The following BICRAL variants were observed in gnomAD, a reference collection of about 807,000 sequenced individuals.
The protein encoded by BICRAL is BRD4-interacting chromatin-remodeling complex-associated protein-like.
A neutral mutation model predicts 91.8 loss-of-function variants in BICRAL; 8 were observed. The observed-to-expected ratio is 0.09, with a 90% CI of 0.05 to 0.16. The LOEUF (loss-of-function observed/expected upper bound fraction) is 0.16. Ranked by LOEUF, BICRAL falls within the 10% of genes least tolerant of loss-of-function variation. The probability of loss-of-function intolerance (pLI) is 1.00; values close to 1 mark genes in which losing one functional copy is unlikely to be tolerated. For missense variants in BICRAL, 1,038 were observed against 1,310.9 expected (o/e 0.79, Z 3.21); for synonymous variants, 445 against 491.1 (o/e 0.91, Z 1.24).
chr6:42,843,426 C>G (rs1425013996), intron 6 of BICRAL, among the ~76,000 whole-genome samples: 1 of 152,116 alleles, frequency 6.6e-6, no homozygotes, highest in African/African-American at 2.4e-5. Context: ...GAGCACAAAC[C>G]ATGTAGGTCT....
chr6:42,771,226 T>C (rs1263311706), intron 1 of BICRAL, among the ~76,000 whole-genome samples: 3 of 152,248 alleles, frequency 2.0e-5, no homozygotes, highest in Non-Finnish European at 4.4e-5. Flanking sequence ...GCAGGTTTCC[T>C]GTCGTTGGCG....
intron 6 of BICRAL, among the ~76,000 whole-genome samples, chr6:42,840,274 G>A (rs1191900678): frequency 1.3e-5 from 2 of 151,780 alleles, no homozygotes; most frequent in East Asian, 1.9e-4. Flanking sequence ...ACAGAGTCTC[G>A]CTCTATCACC....
chr6:42,774,936 TC>T (rs1288281571), intron 1 of BICRAL, among the ~76,000 whole-genome samples: 4 of 151,794 alleles, frequency 2.6e-5, no homozygotes, highest in African/African-American at 9.7e-5. Flanking sequence ...TCAGAGTGGT[TC>T]CTTTTTTTTT....
At position 42,797,937 on chromosome 6, in the gene BICRAL, C is replaced by T. The variant is rs533148380; in HGVS notation, c.-101-12369C>T. Among the ~76,000 whole-genome samples the T allele has an allele frequency of 2.6e-5, 4 of 152,272 alleles. No individual in the cohort carries two copies. In the South Asian group the frequency reaches 8.3e-4, roughly 32 times the overall value. ...GTTTCAGTGAGCCACTATTGCATCA[C>T]TGCACTCCAGCCTTGGTGACAAAGT... On this transcript the variant is annotated intron_variant, in intron 1 of 12. Transcript: ENST00000314073.
intron 6 of BICRAL, among the ~76,000 whole-genome samples, chr6:42,846,631 G>A (rs946917617): frequency 1.3e-5 from 2 of 152,068 alleles, no homozygotes; most frequent in African/African-American, 4.8e-5. Context: ...TCTTCTGGGC[G>A]GCACAAGGAA....
chr6:42,842,152 C>A (rs1201491408), intron 6 of BICRAL, among the ~76,000 whole-genome samples: 1 of 152,144 alleles, frequency 6.6e-6, no homozygotes, highest in African/African-American at 2.4e-5. Flanking sequence ...GATGCCTGAG[C>A]CTCACCCACA....
chr6:42,857,112 G>A lies in BICRAL; in HGVS notation c.2130G>A (p.Arg710=), dbSNP rs1391181604. 1.9e-6 allele frequency: 3 copies of A among 1,613,204 alleles called. No individual in the cohort carries two copies. Among genetic ancestry groups the A allele is most frequent in the African/African-American group, 2.7e-5 (2 of 74,838 alleles). ...KGAFILQQLQ[R]DQAHTVTPDK... The stretch of plus-strand genomic sequence containing the variant: ...AAAGCATTCTCCAGCAGTTGCAGAG[G>A]GACCAAGCCCACACTGTGACACCAG... The change falls in exon 10 of 13, where the codon AGG becomes AGA. Residue 710 remains arginine, a synonymous_variant. Coordinates refer to ENST00000314073, the MANE Select transcript of BICRAL (RefSeq NM_001393499.1).
At chr6:42,764,774 C>G (rs1762608071) in intron 1 of BICRAL, among the ~76,000 whole-genome samples, 2 of 152,058 alleles carry the variant, frequency 1.3e-5, no homozygotes, top group African/African-American at 4.8e-5. Context: ...ATTCTCCTGC[C>G]TCAGCCTCCC....
chr6:42,804,707 T>C (rs1038179055), intron 1 of BICRAL, among the ~76,000 whole-genome samples: 2 of 152,144 alleles, frequency 1.3e-5, no homozygotes, highest in African/African-American at 4.8e-5. Flanking sequence ...GAGACACAAA[T>C]GAGGCTAGCT....
intron 1 of BICRAL, among the ~76,000 whole-genome samples, chr6:42,768,643 A>G (rs1404675227): frequency 1.3e-5 from 2 of 152,228 alleles, no homozygotes; most frequent in Non-Finnish European, 2.9e-5. Context: ...TCAGATATCA[A>G]TCAGGCACTT....
chr6:42,769,866 G>A (rs1762693458), intron 1 of BICRAL, among the ~76,000 whole-genome samples: 1 of 152,128 alleles, frequency 6.6e-6, no homozygotes, highest in Non-Finnish European at 1.5e-5. Context: ...ATTTATAACT[G>A]AAACAGATTT....
intron 6 of BICRAL, among the ~76,000 whole-genome samples, chr6:42,841,869 AC>A (rs895632505): frequency 6.6e-6 from 1 of 152,194 alleles, no homozygotes; most frequent in Non-Finnish European, 1.5e-5. Context: ...ATAAAGGCTA[AC>A]TTTACCTGTT....
intron 1 of BICRAL, among the ~76,000 whole-genome samples, chr6:42,788,763 G>C (rs1763179153): frequency 6.6e-6 from 1 of 152,222 alleles, no homozygotes; most frequent in Non-Finnish European, 1.5e-5. Flanking sequence ...ACTTCACCTT[G>C]AGCAACAGGA....
At chr6:42,771,738 T>C (rs1231659385) in intron 1 of BICRAL, among the ~76,000 whole-genome samples, 2 of 152,192 alleles carry the variant, frequency 1.3e-5, no homozygotes, top group African/African-American at 4.8e-5. Context: ...AAAATTGCTG[T>C]TAACTGAAGG....
intron 1 of BICRAL, among the ~76,000 whole-genome samples, chr6:42,754,362 C>T (rs564907373): frequency 4.0e-5 from 6 of 151,476 alleles, no homozygotes; most frequent in African/African-American, 1.2e-4. Context: ...TTAGTAGAGA[C>T]GGGGTTTCAC....
rs548986166 is a variant in BICRAL at position 42,822,277 on chromosome 6, G to A, written c.41+214G>A. Among the ~76,000 whole-genome samples, 165 of 149,118 alleles carry A rather than the reference G, an allele frequency of 1.1e-3. 2 individuals carry two copies. The highest frequency in any genetic ancestry group is 8.0e-4 in the Non-Finnish European group (54 of 67,502). On this transcript the variant is annotated intron_variant, in intron 3 of 12. Coordinates refer to ENST00000314073, the MANE Select transcript of BICRAL (RefSeq NM_001393499.1). ...TCCTTTTGAGACAGGGTCTCACTCTGTCACCCAGGCTAAAGTGCAGCAGCA... is the reference window on the plus strand; with the variant it reads ...TCCTTTTGAGACAGGGTCTCACTCTATCACCCAGGCTAAAGTGCAGCAGCA...
chr6:42,792,257 CTT>C (rs1763296114), intron 1 of BICRAL, among the ~76,000 whole-genome samples: 1 of 152,012 alleles, frequency 6.6e-6, no homozygotes, highest in Non-Finnish European at 1.5e-5. Flanking sequence ...CTTACTGTAA[CTT>C]TTTTTCTTAT....
At chr6:42,837,429 A>G (rs768641455) in intron 6 of BICRAL, among the ~76,000 whole-genome samples, 2 of 151,906 alleles carry the variant, frequency 1.3e-5, no homozygotes, top group African/African-American at 2.4e-5. Context: ...TATTGTTTTT[A>G]ATATAGATAA....
intron 2 of BICRAL, among the ~76,000 whole-genome samples, chr6:42,812,977 A>G (rs147891806): frequency 2.9e-4 from 44 of 152,270 alleles, no homozygotes; most frequent in African/African-American, 1.1e-3. Flanking sequence ...CGAGGCTGCA[A>G]TCCGCTGTGA....
Sources: gnomAD v4.1 joint callset for allele counts (sites outside exome capture counted in the v4.1 genomes callset) on GRCh38, gnomAD v4.1.1 for gene constraint, MANE v1.5 for transcripts, NCBI Gene and HGNC (gene_info 2026-07-23, HGNC 2026-07-21) for gene names.